TENM1: variants seen among roughly 807,000 people sequenced by gnomAD.
TENM1 encodes teneurin transmembrane protein 1.
In TENM1, 35 loss-of-function variants were observed where a neutral mutation model predicts 174.8. The ratio of observed to expected loss-of-function variants is 0.20; its 90% confidence interval spans 0.15 to 0.27. The LOEUF is 0.27. Ranked by LOEUF, TENM1 falls within the 10% of genes least tolerant of loss-of-function variation. The probability of loss-of-function intolerance (pLI) is 1.00; values close to 1 mark genes in which losing one functional copy is unlikely to be tolerated. For synonymous variants in TENM1, 781 were observed against 798.7 expected, an observed-to-expected ratio of 0.98 and a Z score of 0.37; for missense variants, 1,633 against 2,130.1, an observed-to-expected ratio of 0.77 and a Z score of 4.59.
At chrX:125,058,653 G>A in the TENM1 span, among the ~76,000 whole-genome samples, 1 of 110,341 alleles carries the variant, frequency 9.1e-6, no homozygotes, top group Non-Finnish European at 1.9e-5. Context: ...TGTATATATG[G>A]GGATACAGAA....
At chrX:124,975,127 C>G in the TENM1 span, among the ~76,000 whole-genome samples, 2 of 108,115 alleles carry the variant, frequency 1.8e-5, no homozygotes, top group Admixed American at 2.1e-4. Context: ...TCCATCACAC[C>G]CTTTCTTTTG....
In TENM1 at chrX:124,383,627, TA is replaced by T; in HGVS notation, c.7297+6del. The stretch of plus-strand genomic sequence containing the variant: ...GTTTAGCTTAAAGTTTTAAATAGTT[TA>T]AATACCTGTGGTATACTTTGCAACA... On this transcript the variant is annotated splice_donor_region_variant and intron_variant, in intron 30 of 31. Coordinates refer to ENST00000422452, the Ensembl canonical transcript of TENM1. 3 of 1,197,378 alleles carry T rather than the reference TA, an allele frequency of 2.5e-6. No individual in the cohort carries two copies. The highest frequency in any genetic ancestry group is 2.3e-6 in the Non-Finnish European group (2 of 886,893).
the TENM1 span, among the ~76,000 whole-genome samples, chrX:125,073,110 T>C: frequency 1.8e-5 from 2 of 111,438 alleles, no homozygotes; most frequent in South Asian, 7.4e-4. Flanking sequence ...TGTTGTATGT[T>C]ATTAATCCTC....
At chrX:125,147,179 A>G in the TENM1 span, among the ~76,000 whole-genome samples, 6 of 109,260 alleles carry the variant, frequency 5.5e-5, no homozygotes, top group Admixed American at 2.0e-4. Context: ...TATATCACAT[A>G]TATGTGTGTA....
intron 3 of TENM1, among the ~76,000 whole-genome samples, chrX:124,787,678 T>C (rs760186369): frequency 2.7e-5 from 3 of 112,164 alleles, no homozygotes; most frequent in Non-Finnish European, 3.8e-5. Flanking sequence ...TTTCTAAGAT[T>C]AGACTAAAAT....
At chrX:124,568,483 C>T (rs904378507) in intron 11 of TENM1, among the ~76,000 whole-genome samples, 4 of 111,459 alleles carry the variant, frequency 3.6e-5, no homozygotes, top group Admixed American at 9.6e-5. Context: ...AAAATACTAT[C>T]GTTTAATAAT....
At chrX:124,916,850 A>G (rs2057934321) in intron 1 of TENM1, among the ~76,000 whole-genome samples, 1 of 109,201 alleles carries the variant, frequency 9.2e-6, no homozygotes, top group South Asian at 4.2e-4. Flanking sequence ...ATGTGATGAC[A>G]CAAAAAGACA....
intron 11 of TENM1, among the ~76,000 whole-genome samples, chrX:124,585,706 T>C (rs1184479524): frequency 9.1e-6 from 1 of 110,349 alleles, no homozygotes; most frequent in Non-Finnish European, 1.9e-5. Flanking sequence ...CTGAAGGAAA[T>C]AGAGACACAA....
chrX:124,666,488 C>CA (rs777093870), intron 6 of TENM1, among the ~76,000 whole-genome samples: 7 of 111,354 alleles, frequency 6.3e-5, no homozygotes, highest in African/African-American at 2.0e-4. Flanking sequence ...ATGGCTTATG[C>CA]AAAAAAACCG....
chrX:124,454,969 A>C lies in TENM1; in HGVS notation c.3950-1478T>G, dbSNP rs1161348677. On this transcript the variant is annotated intron_variant, in intron 22 of 31. Transcript: ENST00000422452. ...CACAACACAACACACAAACACACACACACATGAATTTTCTGGCAAAATGTG... is the reference window on the plus strand; with the variant it reads ...CACAACACAACACACAAACACACACCCACATGAATTTTCTGGCAAAATGTG... 6.2e-5 allele frequency among the ~76,000 whole-genome samples: 7 copies of C among 112,088 alleles called. No individual in the cohort carries two copies. The Admixed American group carries it at 6.6e-4, about 11-fold the overall frequency.
intron 3 of TENM1, among the ~76,000 whole-genome samples, chrX:124,758,763 T>G (rs1207361965): frequency 8.9e-6 from 1 of 111,837 alleles, no homozygotes; most frequent in African/African-American, 3.3e-5. Flanking sequence ...TTATGCTAAG[T>G]GGATAAGTCA....
chrX:125,167,985 C>T, the TENM1 span, among the ~76,000 whole-genome samples: 34 of 111,195 alleles, frequency 3.1e-4, no homozygotes, highest in African/African-American at 8.8e-4. Context: ...TCAGTCAAAC[C>T]TACTTATACT....
intron 25 of TENM1, among the ~76,000 whole-genome samples, chrX:124,418,041 C>A: frequency 8.9e-6 from 1 of 112,406 alleles, no homozygotes; most frequent in African/African-American, 3.2e-5. Flanking sequence ...TTAGGTTCCC[C>A]TGTTTCCACT....
At chrX:124,434,677 T>C (rs1184332774) in intron 23 of TENM1, among the ~76,000 whole-genome samples, 1 of 112,535 alleles carries the variant, frequency 8.9e-6, no homozygotes, top group African/African-American at 3.2e-5. Flanking sequence ...CAATTTACAG[T>C]CAAAGTCATC....
At chrX:125,074,221 G>A in the TENM1 span, among the ~76,000 whole-genome samples, 1 of 110,604 alleles carries the variant, frequency 9.0e-6, no homozygotes, top group Non-Finnish European at 1.9e-5. Context: ...AGAGCAGCCA[G>A]AGAAAAGATA....
At chrX:124,582,367 T>C (rs2049341692) in intron 11 of TENM1, among the ~76,000 whole-genome samples, 1 of 112,281 alleles carries the variant, frequency 8.9e-6, no homozygotes, top group African/African-American at 3.2e-5. Flanking sequence ...TCTATGAGCA[T>C]GGAATGTTTT....
intron 20 of TENM1, 132 bp from the exon 24 acceptor site, chrX:124,487,361 G>C: frequency 1.8e-6 from 1 of 561,826 alleles, no homozygotes; most frequent in Non-Finnish European, 2.8e-6. Flanking sequence ...AGACTCTATG[G>C]GGATCATTTA....
At chrX:124,685,149 C>G (rs1033140142) in intron 5 of TENM1, among the ~76,000 whole-genome samples, 1 of 110,241 alleles carries the variant, frequency 9.1e-6, no homozygotes, top group African/African-American at 3.3e-5. Context: ...ACAACAACAA[C>G]AACAACAACA....
rs184189467 is a variant in TENM1, at chrX:124,643,158, T to C, written c.1877-1167A>G. ...GAGGGAAAGTCCAAAGTATAGAATC[T>C]GTTTTCAGAAGAAGGCCATTTTGTT... On this transcript the variant is annotated intron_variant, in intron 10 of 31. Transcript: ENST00000422452. Among the ~76,000 whole-genome samples, 136 of 112,187 alleles carry C rather than the reference T, an allele frequency of 1.2e-3. 1 individual carries two copies. The highest frequency in any genetic ancestry group is 4.2e-3 in the African/African-American group (131 of 30,930).
Sources: gnomAD v4.1 joint callset for allele counts (sites outside exome capture counted in the v4.1 genomes callset) on GRCh38, gnomAD v4.1.1 for gene constraint, MANE v1.5 for transcripts, NCBI Gene and HGNC (gene_info 2026-07-23, HGNC 2026-07-21) for gene names.